MRPL37: variants seen among roughly 807,000 people sequenced by gnomAD.
MRPL37 encodes the protein large ribosomal subunit protein mL37.
In MRPL37, 34 loss-of-function variants were observed where a neutral mutation model predicts 44.1. That is an observed-to-expected ratio of 0.77 (90% confidence interval 0.59 to 1.03). The LOEUF (loss-of-function observed/expected upper bound fraction) is 1.03, where lower values mean the gene tolerates loss of function less well. Ranked by LOEUF, MRPL37 falls within the 50% of genes least tolerant of loss-of-function variation. The pLI, the probability that MRPL37 is intolerant of heterozygous loss-of-function variation, is 0.00. For missense variants in MRPL37, 532 were observed against 543.7 expected, an observed-to-expected ratio of 0.98 and a Z score of 0.21; for synonymous variants, 212 against 219.5, an observed-to-expected ratio of 0.97 and a Z score of 0.30.
downstream of MRPL37, among the ~76,000 whole-genome samples, chr1:54,224,080 CTCTCG>C (rs1401459104): frequency 6.6e-6 from 1 of 152,236 alleles, no homozygotes; most frequent in Non-Finnish European, 1.5e-5. Context: ...GATCCCATGG[CTCTCG>C]TCTGTGCCTG....
rs770223697 is a variant in MRPL37 at position 54,210,156 on chromosome 1, T to C, written c.832+25T>C. 9.3e-6 allele frequency: 15 copies of C among 1,605,690 alleles called. No homozygotes were observed. The East Asian group carries it at 3.1e-4, about 33-fold the overall frequency. On this transcript the variant is annotated intron_variant, in intron 4 of 6. Transcript: ENST00000360840. ...GGTAAGGATCAATGTCTTGGACTTT[T>C]AGGCAGTGTGGAGGAGAAGGACATG...
downstream of MRPL37, among the ~76,000 whole-genome samples, chr1:54,219,994 A>T (rs543068317): frequency 1.3e-5 from 2 of 152,182 alleles, no homozygotes; most frequent in Admixed American, 1.3e-4. Context: ...TCGTTCATGT[A>T]TCTTAGAGTA....
At chr1:54,207,032 G>A (rs1006713058) in intron 3 of MRPL37, among the ~76,000 whole-genome samples, 8 of 152,190 alleles carry the variant, frequency 5.3e-5, no homozygotes, top group Admixed American at 6.5e-5. Flanking sequence ...GAATACAGGC[G>A]TGAGCCACCG....
intron 5 of MRPL37, among the ~76,000 whole-genome samples, chr1:54,214,002 G>A (rs780176230): frequency 3.9e-5 from 6 of 152,202 alleles, no homozygotes; most frequent in Non-Finnish European, 5.9e-5. Flanking sequence ...GGCCAACATG[G>A]CGAAACCCCA....
chr1:54,219,679 G>A (rs35026097), downstream of MRPL37, among the ~76,000 whole-genome samples: 2,523 of 152,304 alleles, frequency 0.017, 55 homozygotes, highest in East Asian at 0.07. Context: ...AAGATAAGTC[G>A]ACCCACCCAA....
chr1:54,221,330 C>T (rs1323150377), downstream of MRPL37, among the ~76,000 whole-genome samples: 1 of 152,192 alleles, frequency 6.6e-6, no homozygotes, highest in Non-Finnish European at 1.5e-5. Context: ...CCTGGTTCCT[C>T]TTTTGCTGTG....
At chr1:54,217,378 TC>T (rs986475980) in intron 6 of MRPL37, among the ~76,000 whole-genome samples, 12 of 152,182 alleles carry the variant, frequency 7.9e-5, no homozygotes, top group African/African-American at 2.9e-4. Flanking sequence ...AGGTTTTCCC[TC>T]CTGACTCTGT....
intron 3 of MRPL37, among the ~76,000 whole-genome samples, chr1:54,208,548 CAAAAAAAAAAAA>C (rs57185627): frequency 1.4e-5 from 1 of 70,956 alleles, no homozygotes; most frequent in African/African-American, 6.2e-5. Flanking sequence ...GACTCCGTCT[CAAAAAAAAAAAA>C]AAAAAAAAAG....
At chr1:54,212,263 C>T (rs1203158023) in intron 4 of MRPL37, among the ~76,000 whole-genome samples, 4 of 152,140 alleles carry the variant, frequency 2.6e-5, no homozygotes, top group South Asian at 2.1e-4. Flanking sequence ...AATAGTCATA[C>T]GTAAATGAGT....
downstream of MRPL37, chr1:54,225,025 C>A (rs897905384): frequency 1.2e-5 from 14 of 1,167,590 alleles, no homozygotes; most frequent in South Asian, 1.3e-4. Flanking sequence ...GCCAGTCCCA[C>A]CCGAGGGGAG....
intron 5 of MRPL37, 45 bp downstream of exon 5, chr1:54,212,703 G>T (rs754367947): frequency 6.2e-7 from 1 of 1,611,670 alleles, no homozygotes; most frequent in Non-Finnish European, 8.5e-7. Flanking sequence ...CGTGGTGTTG[G>T]TCTCCTCCCT....
chr1:54,204,994 T>A (rs755579850), intron 1 of MRPL37, 24 bp from the exon 2 acceptor site: 68 of 1,591,346 alleles, frequency 4.3e-5, no homozygotes, highest in Non-Finnish European at 5.6e-5. Flanking sequence ...TCCTTCTTTA[T>A]TTTTGTGGCT....
In MRPL37 at chr1:54,202,316, T is replaced by C. The variant is rs568421596; in HGVS notation, c.346+1727T>C. 6.8e-4 allele frequency among the ~76,000 whole-genome samples: 103 copies of C among 152,248 alleles called. 1 individual carries two copies. The South Asian group carries it at 0.021, about 31-fold the overall frequency. On this transcript the variant is annotated intron_variant, in intron 1 of 6. Coordinates refer to ENST00000360840, the MANE Select transcript of MRPL37 (RefSeq NM_016491.4). Reference sequence around the variant, plus strand: ...TGCCCCTGCCCAAAAGTTACATTTCTAAACATTTATATTCATATTCCTGGT... The same window carrying C: ...TGCCCCTGCCCAAAAGTTACATTTCCAAACATTTATATTCATATTCCTGGT...
downstream of MRPL37, chr1:54,220,830 C>A (rs1416543626): frequency 2.1e-6 from 1 of 467,778 alleles, no homozygotes; most frequent in African/African-American, 2.0e-5. Context: ...ACGAGAGGAA[C>A]TTCCAGCAGC....
At chr1:54,221,521 G>T (rs682196), downstream of MRPL37, among the ~76,000 whole-genome samples, 1 of 152,150 alleles carries the variant, frequency 6.6e-6, no homozygotes, top group African/African-American at 2.4e-5. Flanking sequence ...CCAGGGGGGC[G>T]TGCTGCCCAG....
chr1:54,224,339 AAC>A (rs546955233), downstream of MRPL37, among the ~76,000 whole-genome samples: 68 of 152,276 alleles, frequency 4.5e-4, no homozygotes, highest in African/African-American at 1.6e-3. Context: ...GCTACTCCCC[AAC>A]ACACCCATTT....
At chr1:54,202,657 T>C (rs1644093209) in intron 1 of MRPL37, among the ~76,000 whole-genome samples, 1 of 152,188 alleles carries the variant, frequency 6.6e-6, no homozygotes, top group Admixed American at 6.5e-5. Flanking sequence ...CATGCTGTCA[T>C]GCCTGGCTAA....
downstream of MRPL37, among the ~76,000 whole-genome samples, chr1:54,222,538 C>T (rs11206305): frequency 0.15 from 23,357 of 151,940 alleles, 2,254 homozygotes; most frequent in East Asian, 0.47. Flanking sequence ...GCAAGAAGCC[C>T]TCTCCTCTCT....
downstream of MRPL37, among the ~76,000 whole-genome samples, chr1:54,223,969 C>T (rs570161597): frequency 6.6e-6 from 1 of 152,310 alleles, no homozygotes; most frequent in East Asian, 1.9e-4. Flanking sequence ...AGGCAACTGC[C>T]AGGCTGCCGA....
Sources: gnomAD v4.1 joint callset for allele counts (sites outside exome capture counted in the v4.1 genomes callset) on GRCh38, gnomAD v4.1.1 for gene constraint, MANE v1.5 for transcripts, NCBI Gene and HGNC (gene_info 2026-07-23, HGNC 2026-07-21) for gene names.